The following CTDSPL variants were observed in gnomAD, a reference collection of about 807,000 sequenced individuals.
CTDSPL encodes CTD small phosphatase like.
In CTDSPL, 8 loss-of-function variants were observed where a neutral mutation model predicts 30.5. The ratio of observed to expected loss-of-function variants is 0.26; its 90% CI spans 0.15 to 0.47. The LOEUF (loss-of-function observed/expected upper bound fraction) is 0.47. Among genes scored for constraint, CTDSPL ranks in the 20% least tolerant of loss-of-function variants. The pLI is 0.99. For missense variants in CTDSPL, 248 were observed against 366.1 expected (o/e 0.68, Z 2.63); for synonymous variants, 110 against 137.9 (o/e 0.80, Z 1.42).
rs1699504151 is a variant in CTDSPL at position 37,982,535 on chromosome 3, A to G, written c.*1668A>G. ...AGACTGGAAATCGGGGGTCAAAGTA[A>G]AATATCTTTGTTTTGCTTTCATTCA... On this transcript the variant is annotated 3_prime_UTR_variant, in exon 8 of 8. Coordinates refer to ENST00000273179, the MANE Select transcript of CTDSPL (RefSeq NM_001008392.2). 1 of 456,702 alleles carries G rather than the reference A, an allele frequency of 2.2e-6. No individual in the cohort carries two copies. Among genetic ancestry groups the G allele is most frequent in the South Asian group, 1.5e-5 (1 of 64,564 alleles). The allele number at this position is 456,702 out of a possible 1,614,324, so 28.3% of individuals were successfully genotyped here.
intron 1 of CTDSPL, among the ~76,000 whole-genome samples, chr3:37,906,301 C>G (rs975950572): frequency 3.3e-5 from 5 of 152,220 alleles, no homozygotes; most frequent in Non-Finnish European, 4.4e-5. Flanking sequence ...ACAGGGCGCT[C>G]TGTCTCAGGG....
At chr3:37,969,134 G>T (rs1035956407) in intron 5 of CTDSPL, among the ~76,000 whole-genome samples, 1 of 152,242 alleles carries the variant, frequency 6.6e-6, no homozygotes, top group African/African-American at 2.4e-5. Context: ...TATCATCTTG[G>T]CTTGTGTTAC....
At chr3:37,927,674 GTGTGTA>G (rs1365502534) in intron 1 of CTDSPL, among the ~76,000 whole-genome samples, 2 of 122,316 alleles carry the variant, frequency 1.6e-5, no homozygotes, top group African/African-American at 3.9e-5. Context: ...GTGTGTGTGT[GTGTGTA>G]TGTGTATATA....
chr3:37,894,633 A>C (rs1698371220), intron 1 of CTDSPL, among the ~76,000 whole-genome samples: 1 of 152,210 alleles, frequency 6.6e-6, no homozygotes, highest in Admixed American at 6.5e-5. Flanking sequence ...AGCCATTAAA[A>C]AAATATGTTT....
intron 1 of CTDSPL, among the ~76,000 whole-genome samples, chr3:37,910,021 T>C (rs1374155129): frequency 2.0e-5 from 3 of 152,240 alleles, no homozygotes; most frequent in African/African-American, 7.2e-5. Flanking sequence ...GATATGACTT[T>C]AGGCAAGTGA....
intron 1 of CTDSPL, among the ~76,000 whole-genome samples, chr3:37,931,454 C>A (rs1698854513): frequency 6.6e-6 from 1 of 152,106 alleles, no homozygotes; most frequent in Non-Finnish European, 1.5e-5. Context: ...CACACCCAGC[C>A]CCCTCTGTGT....
At chr3:37,880,741 A>G (rs1698194105) in intron 1 of CTDSPL, among the ~76,000 whole-genome samples, 1 of 152,216 alleles carries the variant, frequency 6.6e-6, no homozygotes, top group Non-Finnish European at 1.5e-5. Context: ...CTAAATACAA[A>G]TGGAGTTTTG....
At chr3:37,865,189 T>C (rs1697995196) in intron 1 of CTDSPL, among the ~76,000 whole-genome samples, 1 of 152,202 alleles carries the variant, frequency 6.6e-6, no homozygotes, top group African/African-American at 2.4e-5. Context: ...TGGTTGATAA[T>C]GTCAAGATAA....
chr3:37,951,070 A>T (rs184695552), intron 2 of CTDSPL, among the ~76,000 whole-genome samples: 86 of 152,334 alleles, frequency 5.6e-4, no homozygotes, highest in Middle Eastern at 3.4e-3. Flanking sequence ...TACAATTATT[A>T]AAAATGTTAG....
chr3:37,865,994 A>C (rs1559619674), intron 1 of CTDSPL, among the ~76,000 whole-genome samples: 1 of 152,254 alleles, frequency 6.6e-6, no homozygotes, highest in Non-Finnish European at 1.5e-5. Flanking sequence ...TGGTTCAGCC[A>C]AACAGCAGTA....
At chr3:37,978,161 T>C (rs1301532563) in intron 7 of CTDSPL, among the ~76,000 whole-genome samples, 1 of 152,256 alleles carries the variant, frequency 6.6e-6, no homozygotes. Flanking sequence ...TTCAGACTAA[T>C]GAGTTGGTGT....
rs1331580722 is a variant in CTDSPL at position 37,943,278 on chromosome 3, G to A, written c.80-3779G>A. On this transcript the variant is annotated intron_variant, in intron 1 of 7. Transcript: ENST00000273179. ...AAATGATCTCCATGGGGCGGTTGGC[G>A]AAGGCTTCCTGGGTGAGGTTGGCTT... 6.0e-5 allele frequency among the ~76,000 whole-genome samples: 9 copies of A among 150,206 alleles called. 2 individuals carry two copies. The highest frequency in any genetic ancestry group is 3.9e-4 in the East Asian group (2 of 5,128).
rs1298626573 is a variant in CTDSPL, at chr3:37,974,657, C to G, written c.520-1052C>G. Among the ~76,000 whole-genome samples the G allele has an allele frequency of 3.9e-5, 6 of 152,266 alleles. No individual in the cohort carries two copies. The East Asian group carries it at 1.2e-3, about 29-fold the overall frequency. Reference sequence around the variant, plus strand: ...CCAAGCCTGCTTTGGGGGAAATTTCCTAGGTCATGAGAGAGGGCCAGGCAG... The same window carrying G: ...CCAAGCCTGCTTTGGGGGAAATTTCGTAGGTCATGAGAGAGGGCCAGGCAG... On this transcript the variant is annotated intron_variant, in intron 6 of 7. Coordinates refer to ENST00000273179, the MANE Select transcript of CTDSPL (RefSeq NM_001008392.2).
intron 1 of CTDSPL, among the ~76,000 whole-genome samples, chr3:37,922,694 C>T (rs1007527623): frequency 3.3e-5 from 5 of 152,226 alleles, no homozygotes; most frequent in African/African-American, 1.2e-4. Context: ...CTAGCATGGG[C>T]ACTTTGTCAC....
chr3:37,920,398 G>A (rs771239102), intron 1 of CTDSPL, among the ~76,000 whole-genome samples: 13 of 152,236 alleles, frequency 8.5e-5, no homozygotes, highest in African/African-American at 3.1e-4. Context: ...AAGCAGGAAT[G>A]TGAGCTGCTG....
chr3:37,882,649 A>G (rs1382316772), intron 1 of CTDSPL, among the ~76,000 whole-genome samples: 4 of 152,136 alleles, frequency 2.6e-5, no homozygotes, highest in Non-Finnish European at 5.9e-5. Flanking sequence ...CCTGGACTCT[A>G]GCTGAGTATT....
chr3:37,948,305 A>G (rs1559641627), intron 2 of CTDSPL, among the ~76,000 whole-genome samples: 1 of 152,204 alleles, frequency 6.6e-6, no homozygotes, highest in Non-Finnish European at 1.5e-5. Context: ...ATATATGTAT[A>G]TATGTATAAG....
chr3:37,904,487 AT>A (rs2125602732), intron 1 of CTDSPL, among the ~76,000 whole-genome samples: 1 of 152,272 alleles, frequency 6.6e-6, no homozygotes, highest in African/African-American at 2.4e-5. Context: ...GTGGTGACCC[AT>A]TGGATGATAA....
chr3:37,957,055 G>A, intron 2 of CTDSPL, 56 bp from the exon 3 acceptor site: 1 of 1,448,318 alleles, frequency 6.9e-7, no homozygotes. Context: ...AGTTTCTTTT[G>A]AGAATATGAT....
Sources: gnomAD v4.1 joint callset for allele counts (sites outside exome capture counted in the v4.1 genomes callset) on GRCh38, gnomAD v4.1.1 for gene constraint, MANE v1.5 for transcripts, NCBI Gene and HGNC (gene_info 2026-07-23, HGNC 2026-07-21) for gene names.